The following LRP2BP variants were observed in gnomAD, a reference collection of about 807,000 sequenced individuals.
LRP2BP encodes the protein LRP2-binding protein.
LRP2BP carries 38 observed loss-of-function variants against 45.2 expected under a neutral mutation model. The ratio of observed to expected loss-of-function variants is 0.84; its 90% CI spans 0.65 to 1.10. LRP2BP has a LOEUF of 1.10. LRP2BP is among the 50% of genes least tolerant of loss of function. The pLI, the probability that LRP2BP is intolerant of heterozygous loss-of-function variation, is 0.00. For missense variants in LRP2BP, 385 were observed against 418.9 expected (o/e 0.92, Z 0.71); for synonymous variants, 153 against 153.9 (o/e 0.99, Z 0.04).
chr4:185,378,544 G>A, intron 1 of LRP2BP: 1 of 1,035,190 alleles, frequency 9.7e-7, no homozygotes, highest in Non-Finnish European at 1.2e-6. Flanking sequence ...TGGTGACACT[G>A]CCCACAGTCA....
intron 2 of LRP2BP, 117 bp from the exon 3 acceptor site, chr4:185,377,135 A>C: frequency 1.3e-6 from 1 of 766,604 alleles, no homozygotes. Flanking sequence ...TCTAGTGCTC[A>C]TTCCTACAAC....
rs749405430 is a variant in LRP2BP at position 185,370,803 on chromosome 4, TAGTC to T, written c.811_814del (p.Asp271MetfsTer9). 7 of 1,614,124 alleles carry T rather than the reference TAGTC, an allele frequency of 4.3e-6. No individual in the cohort carries two copies. The highest frequency in any genetic ancestry group is 1.7e-6 in the Non-Finnish European group (2 of 1,180,012). The stretch of plus-strand genomic sequence containing the variant: ...CATGGGGATGTCGTGAACCTCATCA[TAGTC>T]AGCGATCCTGAGAGGATGTAGAGTT... On this transcript the variant is annotated frameshift_variant, in exon 8 of 9. Transcript: ENST00000505916. LOFTEE classifies it high-confidence loss of function.
chr4:185,371,016 A>C (rs1370636198), intron 7 of LRP2BP: 1 of 516,790 alleles, frequency 1.9e-6, no homozygotes, highest in Non-Finnish European at 3.5e-6. Context: ...GTGACTTCAC[A>C]TGTCTCTGTA....
chr4:185,373,947 G>A (rs116278198), intron 6 of LRP2BP, among the ~76,000 whole-genome samples, 188 bp downstream of exon 6: 2,119 of 151,996 alleles, frequency 0.014, 59 homozygotes, highest in African/African-American at 0.049. Flanking sequence ...GGTTTCCTTC[G>A]GTAGAGGTAG....
Position 185,374,159 on chromosome 4 carries a change from G to A in LRP2BP, c.555C>T (p.Thr185=). ...CCTTTTCTAACTCCTTGGGCTCCTT[G>A]GTTGAGTAATACAGCCCGAGCATAC... is the stretch of plus-strand genomic sequence containing the variant. The part of the protein sequence containing the change: ...AQSMLGLYYS[T]KEPKELEKAF... The change falls in exon 6 of 9, where the codon ACC becomes ACT. Residue 185 remains threonine, a synonymous_variant. Coordinates refer to ENST00000505916, the MANE Select transcript of LRP2BP (RefSeq NM_001377440.1). 1 of 1,614,058 alleles carries A rather than the reference G, an allele frequency of 6.2e-7. No homozygotes were observed. Among genetic ancestry groups the A allele is most frequent in the South Asian group, 1.1e-5 (1 of 91,080 alleles).
intron 1 of LRP2BP, among the ~76,000 whole-genome samples, chr4:185,394,200 A>G (rs2095495751): frequency 1.3e-5 from 2 of 149,600 alleles, no homozygotes; most frequent in South Asian, 4.3e-4. Context: ...CGGAGGTTGC[A>G]GTGAGCTGAG....
chr4:185,397,002 C>T (rs984801009), upstream of LRP2BP: 1 of 1,611,728 alleles, frequency 6.2e-7, no homozygotes, highest in African/African-American at 1.3e-5. Context: ...GCTCAAGCTT[C>T]TAGATTCGTC....
At chr4:185,391,244 G>C (rs984971780) in intron 1 of LRP2BP, among the ~76,000 whole-genome samples, 1 of 152,172 alleles carries the variant, frequency 6.6e-6, no homozygotes, top group Non-Finnish European at 1.5e-5. Context: ...TCATCACATC[G>C]TGTCAACAAT....
chr4:185,395,969 A>C, upstream of LRP2BP: 1 of 943,804 alleles, frequency 1.1e-6, no homozygotes, highest in South Asian at 4.9e-5. Flanking sequence ...AAGTCAGGTC[A>C]TGTTCTACAA....
intron 1 of LRP2BP, among the ~76,000 whole-genome samples, chr4:185,392,617 A>T (rs535153989): frequency 9.3e-4 from 132 of 142,556 alleles, no homozygotes; most frequent in African/African-American, 3.1e-3. Flanking sequence ...AAAAAAACTT[A>T]AAAAAAATCT....
chr4:185,374,859 T>C (rs1380529318), intron 4 of LRP2BP, among the ~76,000 whole-genome samples: 1 of 152,168 alleles, frequency 6.6e-6, no homozygotes, highest in Non-Finnish European at 1.5e-5. Flanking sequence ...TTTATAATTC[T>C]TACGATACAC....
chr4:185,394,527 T>G (rs1469132352), intron 1 of LRP2BP, among the ~76,000 whole-genome samples: 1 of 152,218 alleles, frequency 6.6e-6, no homozygotes, highest in Non-Finnish European at 1.5e-5. Flanking sequence ...GCTCAATTAA[T>G]GTCAATTTGT....
intron 8 of LRP2BP, 143 bp from the exon 9 acceptor site, chr4:185,367,388 T>G (rs2095392480): frequency 1.5e-6 from 1 of 649,738 alleles, no homozygotes; most frequent in South Asian, 2.0e-5. Flanking sequence ...TACTTTCTAT[T>G]CTGATGTCCT....
At position 185,367,144 on chromosome 4, in the gene LRP2BP, T is replaced by C. The variant is rs770446179; in HGVS notation, c.*36A>G. Reference sequence around the variant, plus strand: ...GTAAAAATACACACATTGTGAGGTGTTAGCATTGATGATCTTTGTTGAAAT... The same window carrying C: ...GTAAAAATACACACATTGTGAGGTGCTAGCATTGATGATCTTTGTTGAAAT... On this transcript the variant is annotated 3_prime_UTR_variant, in exon 9 of 9. Transcript: ENST00000505916. 3.9e-6 allele frequency: 6 copies of C among 1,544,728 alleles called. No homozygotes were observed. In the Admixed American group the frequency reaches 5.1e-5, roughly 13 times the overall value.
intron 1 of LRP2BP, among the ~76,000 whole-genome samples, chr4:185,389,129 T>C (rs1043072990): frequency 6.6e-6 from 1 of 152,062 alleles, no homozygotes; most frequent in Non-Finnish European, 1.5e-5. Context: ...CCACCCCACC[T>C]TGGCCTCCCA....
rs1272328132 is a variant in LRP2BP, at chr4:185,367,158, C to A, written c.*22G>T. 1 of 1,598,594 alleles carries A rather than the reference C, an allele frequency of 6.3e-7. No homozygotes were observed. Among genetic ancestry groups the A allele is most frequent in the African/African-American group, 1.3e-5 (1 of 74,602 alleles). ...ATTGTGAGGTGTTAGCATTGATGAT[C>A]TTTGTTGAAATACATTGTGGTCTAA... On this transcript the variant is annotated 3_prime_UTR_variant, in exon 9 of 9. Coordinates refer to ENST00000505916, the MANE Select transcript of LRP2BP (RefSeq NM_001377440.1).
At chr4:185,375,072 A>G (rs1002827245) in intron 4 of LRP2BP, among the ~76,000 whole-genome samples, 1 of 151,878 alleles carries the variant, frequency 6.6e-6, no homozygotes, top group African/African-American at 2.4e-5. Context: ...ACCTTCAAAC[A>G]TCACCCAAAA....
rs540840706 is a variant in LRP2BP, at chr4:185,371,036, A to T, written c.804-222T>A. 9 of 462,932 alleles carry T rather than the reference A, an allele frequency of 1.9e-5. No individual in the cohort carries two copies. In the South Asian group the frequency reaches 3.4e-4, roughly 17 times the overall value. The allele number at this position is 462,932 out of a possible 1,614,324, so 28.7% of individuals were successfully genotyped here. On this transcript the variant is annotated intron_variant, in intron 7 of 8. Transcript: ENST00000505916. The stretch of plus-strand genomic sequence containing the variant: ...TTCACATGTCTCTGTAATTATGCTC[A>T]GCAGGCTCAATAACCACTGGAAAAC...
At chr4:185,391,945 A>G (rs894956935) in intron 1 of LRP2BP, among the ~76,000 whole-genome samples, 1 of 152,176 alleles carries the variant, frequency 6.6e-6, no homozygotes, top group Non-Finnish European at 1.5e-5. Flanking sequence ...GCTTCTATCC[A>G]TCTGAATCTA....
Sources: allele counts gnomAD v4.1 joint callset (sites outside exome capture counted in the v4.1 genomes callset), GRCh38; gene constraint gnomAD v4.1.1; transcripts MANE v1.5; gene names NCBI Gene and HGNC (gene_info 2026-07-23, HGNC 2026-07-21).